The following LARP1 variants were observed in gnomAD, a reference collection of about 807,000 sequenced individuals.
LARP1 encodes la-related protein 1.
LARP1 carries 36 observed loss-of-function variants against 122.7 expected under a neutral mutation model. That is an observed-to-expected ratio of 0.29 (90% CI 0.22 to 0.39). The LOEUF is 0.39. Among genes scored for constraint, LARP1 ranks in the 10% least tolerant of loss-of-function variants. The pLI, the probability that LARP1 is intolerant of heterozygous loss-of-function variation, is 1.00. For missense variants in LARP1, 1,040 were observed against 1,403.6 expected (o/e 0.74, Z 4.14); for synonymous variants, 539 against 528.7 (o/e 1.02, Z -0.27).
intron 1 of LARP1, among the ~76,000 whole-genome samples, chr5:154,730,364 T>G (rs1163714548): frequency 1.3e-5 from 2 of 151,556 alleles, no homozygotes; most frequent in Non-Finnish European, 2.9e-5. Context: ...ACCAGATGGA[T>G]GTATTTTCCT....
At chr5:154,797,221 G>GTTTGTTTTTTT (rs1757941693) in intron 8 of LARP1, among the ~76,000 whole-genome samples, 1 of 29,748 alleles carries the variant, frequency 3.4e-5, no homozygotes, top group Admixed American at 5.1e-4. Flanking sequence ...TGTTGTTGTT[G>GTTTGTTTTTTT]TTTTTTTTTT....
At chr5:154,790,583 C>T (rs1356327432) in intron 2 of LARP1, 62 bp from the exon 3 acceptor site, 26 of 1,565,788 alleles carry the variant, frequency 1.7e-5, no homozygotes, top group East Asian at 6.7e-5. Flanking sequence ...AAGCTTGGGT[C>T]GGGGGCTGAA....
In LARP1 at chr5:154,782,654, C is replaced by A. The variant is rs1204309391; in HGVS notation, c.437-7671C>A. The stretch of plus-strand genomic sequence containing the variant: ...GTCTGCAGCTTCCTTTCAGTGGGAA[C>A]TCAAGATGATCTGACCTGAACATTT... On this transcript the variant is annotated intron_variant, in intron 1 of 18. Transcript: ENST00000518297. Among the ~76,000 whole-genome samples the A allele has an allele frequency of 2.0e-5, 3 of 152,220 alleles. No homozygotes were observed. The East Asian group carries it at 5.8e-4, about 29-fold the overall frequency.
chr5:154,728,085 A>G (rs1756337294), intron 1 of LARP1, among the ~76,000 whole-genome samples: 1 of 152,206 alleles, frequency 6.6e-6, no homozygotes, highest in Non-Finnish European at 1.5e-5. Context: ...AGAAGAGAAA[A>G]TAAATCTTGT....
chr5:154,790,534 C>T, intron 2 of LARP1, 111 bp from the exon 3 acceptor site: 1 of 1,331,018 alleles, frequency 7.5e-7, no homozygotes, highest in South Asian at 1.2e-5. Context: ...TGTGAATGGT[C>T]CTGGTGAACA....
intron 1 of LARP1, among the ~76,000 whole-genome samples, chr5:154,691,002 G>A (rs533635628): frequency 4.3e-4 from 66 of 152,300 alleles, no homozygotes; most frequent in Non-Finnish European, 6.0e-4. Flanking sequence ...GCTCATGCCT[G>A]TAATCCCAGC....
Position 154,757,818 on chromosome 5 carries a change from C to CCCCCTGCT in LARP1, c.436+1631_436+1638dup, listed in dbSNP as rs1430129993. 7.4e-5 allele frequency among the ~76,000 whole-genome samples: 3 copies of CCCCCTGCT among 40,634 alleles called. No individual in the cohort carries two copies. The East Asian group carries it at 2.8e-3, about 37-fold the overall frequency. The allele number at this position is 40,634 out of a possible 152,430, so 26.7% of individuals were successfully genotyped here. Reference sequence around the variant, plus strand: ...CTCCCCTTCCCCCCTGCTCCCCTTCCCCCCTGCTCCCCTTCCCCCCTGCTC... The same window carrying CCCCCTGCT: ...CTCCCCTTCCCCCCTGCTCCCCTTCCCCCCTGCTCCCCTGCTCCCCTTCCCCCCTGCTC... On this transcript the variant is annotated intron_variant, in intron 1 of 18. Transcript: ENST00000518297.
intron 1 of LARP1, among the ~76,000 whole-genome samples, chr5:154,702,516 A>AGCCAG (rs1754764815): frequency 1.3e-5 from 2 of 151,106 alleles, no homozygotes; most frequent in South Asian, 4.2e-4. Flanking sequence ...AGACCATGCC[A>AGCCAG]TTGCACTCCA....
intron 1 of LARP1, among the ~76,000 whole-genome samples, chr5:154,749,607 C>A (rs576465269): frequency 6.6e-6 from 1 of 152,190 alleles, no homozygotes; most frequent in African/African-American, 2.4e-5. Flanking sequence ...GAAATAATTA[C>A]GTGACATGTG....
rs1047029248 is a variant in LARP1 at position 154,755,644 on chromosome 5, G to A, written c.-114G>A. ...CGTGAACCCCGACCCTTCTCTGCAG[G>A]GACTGGGGCCCAGCGCCCCGGAGGA... On this transcript the variant is annotated 5_prime_UTR_variant, in exon 1 of 19. Coordinates refer to ENST00000518297, the MANE Select transcript of LARP1 (RefSeq NM_033551.3). The A allele has an allele frequency of 3.0e-6, 3 of 987,498 alleles. No homozygotes were observed. The East Asian group carries it at 3.4e-4, about 113-fold the overall frequency. 61.2% of individuals were successfully genotyped at this position (987,498 alleles called of 1,614,324 possible). A position where few individuals can be genotyped will look rare whatever the true frequency, so the allele number is the denominator to read the frequency against.
At chr5:154,786,507 A>G (rs1211175782) in intron 1 of LARP1, 1 of 455,832 alleles carries the variant, frequency 2.2e-6, no homozygotes, top group Non-Finnish European at 4.4e-6. Flanking sequence ...GCCTTAGTTG[A>G]GGAAGAAGAC....
upstream of LARP1, among the ~76,000 whole-genome samples, chr5:154,711,048 C>G (rs1031920870): frequency 1.3e-5 from 2 of 151,968 alleles, no homozygotes; most frequent in Non-Finnish European, 2.9e-5. Flanking sequence ...TGTGCTGACC[C>G]CATGTGACAG....
chr5:154,700,399 G>T (rs987928796), intron 1 of LARP1, among the ~76,000 whole-genome samples: 1 of 151,864 alleles, frequency 6.6e-6, no homozygotes, highest in Non-Finnish European at 1.5e-5. Flanking sequence ...GGTCGCAATG[G>T]CTCACACCTG....
At chr5:154,807,973 G>C (rs1758924720) in intron 15 of LARP1, among the ~76,000 whole-genome samples, 1 of 152,132 alleles carries the variant, frequency 6.6e-6, no homozygotes, top group African/African-American at 2.4e-5. Context: ...CTTTTTTGAT[G>C]CACAAAATTT....
At chr5:154,720,707 G>T (rs901885658) in intron 1 of LARP1, among the ~76,000 whole-genome samples, 3 of 152,084 alleles carry the variant, frequency 2.0e-5, no homozygotes, top group African/African-American at 7.2e-5. Context: ...GAGAGACCGT[G>T]TCTTGGGAAA....
intron 1 of LARP1, among the ~76,000 whole-genome samples, chr5:154,777,228 C>T (rs917252551): frequency 2.6e-5 from 4 of 152,164 alleles, no homozygotes; most frequent in East Asian, 1.9e-4. Flanking sequence ...AGGTCGGCCG[C>T]GGTGGCTCAT....
At chr5:154,783,199 C>G (rs955158433) in intron 1 of LARP1, among the ~76,000 whole-genome samples, 1 of 152,148 alleles carries the variant, frequency 6.6e-6, no homozygotes, top group Non-Finnish European at 1.5e-5. Flanking sequence ...CAATCCATGT[C>G]AGCTGGATCC....
chr5:154,790,460 C>G, intron 2 of LARP1, 74 bp downstream of exon 2: 1 of 1,422,076 alleles, frequency 7.0e-7, no homozygotes, highest in South Asian at 1.2e-5. Flanking sequence ...AGTGAATGCT[C>G]CTGGACTGCC....
chr5:154,803,394 G>C lies in LARP1; in HGVS notation c.2214G>C (p.Gly738=), dbSNP rs1308993706. The C allele has an allele frequency of 6.2e-7, 1 of 1,614,126 alleles. No homozygotes were observed. Among genetic ancestry groups the C allele is most frequent in the South Asian group, 1.1e-5 (1 of 91,082 alleles). The change falls in exon 12 of 19, where the codon GGG becomes GGC. Residue 738 remains glycine, a synonymous_variant. Transcript: ENST00000518297. This position sits in a 1 kb window ranked among gnomAD's most constrained non-coding sequence, Gnocchi z 4.4. ...PVDPNQEVPP[G]PPRFQQVPTD... Reference sequence around the variant, plus strand: ...ATCCCAACCAGGAAGTTCCTCCTGGGCCACCTCGGTTCCAGCAAGGTGAGA... The same window carrying C: ...ATCCCAACCAGGAAGTTCCTCCTGGCCCACCTCGGTTCCAGCAAGGTGAGA...
Sources: allele counts gnomAD v4.1 joint callset (sites outside exome capture counted in the v4.1 genomes callset), GRCh38; gene constraint gnomAD v4.1.1; non-coding constraint Gnocchi (gnomAD v3.1); transcripts MANE v1.5; gene names NCBI Gene and HGNC (gene_info 2026-07-23, HGNC 2026-07-21).